Variants in MARK3 observed in about 807,000 individuals in gnomAD.
The protein encoded by MARK3 is microtubule affinity regulating kinase 3, also known as MAP/microtubule affinity-regulating kinase 3.
MARK3 carries 46 observed loss-of-function variants against 90.1 expected under a neutral mutation model. The ratio of observed to expected loss-of-function variants is 0.51; its 90% CI spans 0.40 to 0.65. The LOEUF is 0.65. Among genes scored for constraint, MARK3 ranks in the 30% least tolerant of loss-of-function variants. The pLI, the probability that MARK3 is intolerant of heterozygous loss-of-function variation, is 0.00. For synonymous variants in MARK3, 321 were observed against 332.6 expected (o/e 0.97, Z 0.38); for missense variants, 818 against 947.2 (o/e 0.86, Z 1.79).
intron 6 of MARK3, among the ~76,000 whole-genome samples, chr14:103,461,195 A>C (rs1310561337): frequency 6.6e-6 from 1 of 152,202 alleles, no homozygotes. Flanking sequence ...ATATGTAATC[A>C]TATGTGTCTA....
intron 1 of MARK3, among the ~76,000 whole-genome samples, chr14:103,402,372 G>C (rs1427130560): frequency 6.6e-6 from 1 of 152,016 alleles, no homozygotes; most frequent in Non-Finnish European, 1.5e-5. Flanking sequence ...GGCCAACATA[G>C]TGAAACCCTG....
intron 2 of MARK3, among the ~76,000 whole-genome samples, chr14:103,423,922 C>T (rs2092313199): frequency 6.6e-6 from 1 of 152,260 alleles, no homozygotes. Flanking sequence ...AGAACAGAAT[C>T]AGTCCGGGCG....
intron 1 of MARK3, among the ~76,000 whole-genome samples, chr14:103,400,943 T>TTGTGTGTGTGTGTGTG (rs61635275): frequency 8.1e-5 from 10 of 123,570 alleles, no homozygotes; most frequent in South Asian, 2.8e-4. Context: ...ATATAACATT[T>TTGTGTGTGTGTGTGTG]TGTGTGTGTG....
chr14:103,386,260 G>C, intron 1 of MARK3, 180 bp downstream of exon 1: 3 of 722,606 alleles, frequency 4.2e-6, no homozygotes, highest in Admixed American at 4.0e-5. Flanking sequence ...GTGTCCCGCT[G>C]TTCGCGGGCG....
At chr14:103,480,287 A>G in intron 13 of MARK3, 100 bp from the exon 14 acceptor site, 6 of 749,484 alleles carry the variant, frequency 8.0e-6, no homozygotes, top group Non-Finnish European at 1.4e-5. Flanking sequence ...AAAACAAGTA[A>G]ATAAAAGACT....
intron 13 of MARK3, among the ~76,000 whole-genome samples, chr14:103,476,247 T>C (rs4906328): frequency 0.97 from 147,474 of 152,286 alleles, 71,591 homozygotes; most frequent in Non-Finnish European, 1. Flanking sequence ...ACAGTGCAGA[T>C]GGAAGCCTAC....
intron 5 of MARK3, among the ~76,000 whole-genome samples, chr14:103,452,469 G>GTTTTTTTTTTTTTTT (rs1404035040): frequency 1.2e-5 from 1 of 84,184 alleles, no homozygotes; most frequent in Non-Finnish European, 3.2e-5. Flanking sequence ...TACAGGATTT[G>GTTTTTTTTTTTTTTT]TCTTTTTTTT....
intron 2 of MARK3, among the ~76,000 whole-genome samples, chr14:103,421,711 A>G (rs1435156671): frequency 6.6e-6 from 1 of 152,108 alleles, no homozygotes; most frequent in African/African-American, 2.4e-5. Flanking sequence ...TCAGATTTTT[A>G]TCTCCCAGAA....
At chr14:103,421,376 C>T (rs759382908) in intron 2 of MARK3, among the ~76,000 whole-genome samples, 1 of 152,168 alleles carries the variant, frequency 6.6e-6, no homozygotes, top group Non-Finnish European at 1.5e-5. Flanking sequence ...TGAGAATTGA[C>T]TGTAGCTCCT....
rs2140563488 is a variant in MARK3, at chr14:103,399,695, ATC to A, written c.52-5378_52-5377del. Among the ~76,000 whole-genome samples the A allele has an allele frequency of 3.7e-5, 5 of 133,584 alleles. No homozygotes were observed. The South Asian group carries it at 1.2e-3, about 33-fold the overall frequency. The allele number at this position is 133,584 out of a possible 152,430, so 87.6% of individuals were successfully genotyped here. Reference sequence around the variant, plus strand: ...GCCTGGGGCAACAGAGTGAGACTCCATCTCAAAAAAAAAAAAAGAAAAAAAAA... The same window carrying A: ...GCCTGGGGCAACAGAGTGAGACTCCATCAAAAAAAAAAAAAGAAAAAAAAA... On this transcript the variant is annotated intron_variant, in intron 1 of 17. Transcript: ENST00000429436.
rs920303062 is a variant in MARK3, at chr14:103,466,549, G to A, written c.997+107G>A. ...GTGAATAATGGAAAGTTAAGCACAAGTCATATGAACAGTTTATCTGTTCTG... is the reference window on the plus strand; with the variant it reads ...GTGAATAATGGAAAGTTAAGCACAAATCATATGAACAGTTTATCTGTTCTG... On this transcript the variant is annotated intron_variant, in intron 10 of 17. Transcript: ENST00000429436. The A allele has an allele frequency of 4.1e-6, 3 of 727,588 alleles. No individual in the cohort carries two copies. The Admixed American group carries it at 8.0e-5, about 19-fold the overall frequency. 45.1% of individuals were successfully genotyped at this position (727,588 alleles called of 1,614,324 possible).
chr14:103,457,288 C>T, intron 6 of MARK3, 76 bp downstream of exon 6: 3 of 1,138,070 alleles, frequency 2.6e-6, no homozygotes, highest in Non-Finnish European at 3.9e-6. Context: ...CAAGTGTTTG[C>T]CTCCATAAAT....
intron 2 of MARK3, among the ~76,000 whole-genome samples, chr14:103,407,805 C>A (rs547289027): frequency 1.3e-5 from 2 of 151,952 alleles, no homozygotes; most frequent in African/African-American, 2.4e-5. Flanking sequence ...GTGATCTGCC[C>A]GCCTCAACCT....
intron 1 of MARK3, among the ~76,000 whole-genome samples, chr14:103,388,353 G>A (rs898970940): frequency 7.2e-5 from 11 of 152,210 alleles, no homozygotes; most frequent in Non-Finnish European, 1.2e-4. Flanking sequence ...TCTGGAAGGA[G>A]CTGTGTAGCT....
At chr14:103,444,545 G>A (rs1054869195) in intron 3 of MARK3, among the ~76,000 whole-genome samples, 3 of 152,200 alleles carry the variant, frequency 2.0e-5, no homozygotes, top group Non-Finnish European at 4.4e-5. Context: ...TTGGGAGGCC[G>A]AGGCGGGCGG....
chr14:103,387,395 AGAGT>A (rs912318298), intron 1 of MARK3, among the ~76,000 whole-genome samples: 22 of 152,220 alleles, frequency 1.4e-4, no homozygotes, highest in African/African-American at 5.1e-4. Flanking sequence ...AATTATATAA[AGAGT>A]GAGTAATAGA....
At chr14:103,468,829 A>G (rs921389227) in intron 12 of MARK3, among the ~76,000 whole-genome samples, 2 of 136,204 alleles carry the variant, frequency 1.5e-5, no homozygotes, top group African/African-American at 5.6e-5. Flanking sequence ...GGGTCTCGCT[A>G]TGTTGCCCAA....
intron 13 of MARK3, among the ~76,000 whole-genome samples, chr14:103,477,813 T>C (rs912309602): frequency 6.6e-6 from 1 of 151,568 alleles, no homozygotes; most frequent in African/African-American, 2.4e-5. Flanking sequence ...GAGTGAGACC[T>C]CATCTCTACA....
chr14:103,454,180 C>G (rs976291759), intron 5 of MARK3, among the ~76,000 whole-genome samples: 1 of 151,904 alleles, frequency 6.6e-6, no homozygotes, highest in Non-Finnish European at 1.5e-5. Context: ...TCTGAGGGCT[C>G]AGTGCACTTG....
Sources: allele counts gnomAD v4.1 joint callset (sites outside exome capture counted in the v4.1 genomes callset), GRCh38; gene constraint gnomAD v4.1.1; transcripts MANE v1.5; gene names NCBI Gene and HGNC (gene_info 2026-07-23, HGNC 2026-07-21).